The following RDH8 variants were observed in gnomAD, a reference collection of about 807,000 sequenced individuals.
The protein encoded by RDH8 is retinol dehydrogenase 8.
A neutral mutation model predicts 22.3 loss-of-function variants in RDH8; 14 were observed. The observed-to-expected ratio is 0.63, with a 90% CI of 0.42 to 0.98. The LOEUF is 0.98. Among genes scored for constraint, RDH8 ranks in the 50% least tolerant of loss-of-function variants. The pLI, the probability that RDH8 is intolerant of heterozygous loss-of-function variation, is 0.00. For missense variants in RDH8, 389 were observed against 409.8 expected, an observed-to-expected ratio of 0.95 and a Z score of 0.44; for synonymous variants, 175 against 171.7, an observed-to-expected ratio of 1.02 and a Z score of -0.15.
intron 1 of RDH8, among the ~76,000 whole-genome samples, chr19:10,016,698 C>T (rs770960051): frequency 5.3e-5 from 8 of 151,372 alleles, no homozygotes; most frequent in Admixed American, 1.3e-4. Context: ...TCTCAAACTC[C>T]TGGGGTCAAG....
intron 3 of RDH8, among the ~76,000 whole-genome samples, chr19:10,019,864 G>C (rs570358174): frequency 1.3e-5 from 2 of 152,098 alleles, no homozygotes; most frequent in South Asian, 4.2e-4. Context: ...ACTTTGGCCA[G>C]ATGTGGTGGT....
chr19:10,015,392 G>T lies in RDH8; in HGVS notation c.104-1665G>T, dbSNP rs369801204. ...GGCGTGAACCTGTGGGGTGGAGCTT[G>T]CAGTGAGTCGAGATCATGCCACTGC... On this transcript the variant is annotated intron_variant, in intron 1 of 5. Coordinates refer to ENST00000591589, the MANE Select transcript of RDH8 (RefSeq NM_015725.4). Among the ~76,000 whole-genome samples, 6 of 152,174 alleles carry T rather than the reference G, an allele frequency of 3.9e-5. No homozygotes were observed. The East Asian group carries it at 1.2e-3, about 29-fold the overall frequency.
chr19:10,016,908 C>A, intron 1 of RDH8, 149 bp from the exon 2 acceptor site: 1 of 772,132 alleles, frequency 1.3e-6, no homozygotes. Context: ...CACAAGTGTG[C>A]ACTTGTTGGC....
chr19:10,014,085 T>C (rs1016463575), intron 1 of RDH8, among the ~76,000 whole-genome samples: 6 of 152,172 alleles, frequency 3.9e-5, no homozygotes, highest in African/African-American at 1.4e-4. Context: ...GCTCCTGACC[T>C]TGGGGGTTGA....
At chr19:10,016,697 C>T (rs985492937) in intron 1 of RDH8, among the ~76,000 whole-genome samples, 2 of 151,846 alleles carry the variant, frequency 1.3e-5, no homozygotes, top group African/African-American at 4.8e-5. Flanking sequence ...GTCTCAAACT[C>T]CTGGGGTCAA....
At chr19:10,015,588 A>G (rs1489142045) in intron 1 of RDH8, among the ~76,000 whole-genome samples, 2 of 150,212 alleles carry the variant, frequency 1.3e-5, no homozygotes, top group African/African-American at 4.9e-5. Context: ...AGATTTCACC[A>G]CTGTATTCCA....
intron 2 of RDH8, among the ~76,000 whole-genome samples, chr19:10,017,935 C>T (rs2087631804): frequency 6.6e-6 from 1 of 151,854 alleles, no homozygotes; most frequent in South Asian, 2.1e-4. Flanking sequence ...CATGCACCAC[C>T]ACACCTGGCC....
chr19:10,018,328 T>C (rs752804266), intron 2 of RDH8, among the ~76,000 whole-genome samples: 17 of 152,210 alleles, frequency 1.1e-4, no homozygotes, highest in Non-Finnish European at 2.4e-4. Flanking sequence ...TTTTATGGAA[T>C]AGAAATTCTC....
chr19:10,017,163 T>C lies in RDH8; in HGVS notation c.210T>C (p.Asp70=). The C allele has an allele frequency of 6.2e-7, 1 of 1,611,088 alleles. No homozygotes were observed. The highest frequency in any genetic ancestry group is 8.5e-7 in the Non-Finnish European group (1 of 1,178,076). ...TGGCCCAGCTGGACGTGTGCAGTGA[T>C]GAGTCGGTGGCCCAGTGTCTCAGCT... The part of the protein sequence containing the change: ...LTVAQLDVCS[D]ESVAQCLSCI... Residue 70 remains aspartate (D), a synonymous_variant, in exon 2 of 6, where the codon GAT becomes GAC. Coordinates refer to ENST00000591589, the MANE Select transcript of RDH8 (RefSeq NM_015725.4).
At position 10,021,345 on chromosome 19, in the gene RDH8, C is replaced by T. The variant is rs2087657325; in HGVS notation, c.627C>T (p.Asp209=). The change falls in exon 5 of 6, where the codon GAC becomes GAT. Residue 209 remains aspartate, a synonymous_variant. Transcript: ENST00000591589. ...QVSMAEFPGT[D]PETLHYFRDL... ...CTATGGCTGAGTTCCCAGGCACTGA[C>T]CCTGAGACCCTGCACTACTTCCGGG... 6.2e-7 allele frequency: 1 copy of T among 1,613,868 alleles called. No homozygotes were observed. Among genetic ancestry groups the T allele is most frequent in the African/African-American group, 1.3e-5 (1 of 74,842 alleles).
chr19:10,014,573 C>T (rs1384164927), intron 1 of RDH8, among the ~76,000 whole-genome samples: 1 of 152,140 alleles, frequency 6.6e-6, no homozygotes, highest in African/African-American at 2.4e-5. Context: ...CAGAGTCTTG[C>T]TCTGTCACCC....
chr19:10,017,846 G>A lies in RDH8; in HGVS notation c.262+631G>A, dbSNP rs377214695. On this transcript the variant is annotated intron_variant, in intron 2 of 5. Transcript: ENST00000591589. ...TTTTTCTTAGAGACGAGGTTTCACC[G>A]TGTTGGTCAGGCTGGTCTCAAACTC... is the stretch of plus-strand genomic sequence containing the variant. Among the ~76,000 whole-genome samples the A allele has an allele frequency of 1.3e-4, 19 of 151,690 alleles. 1 individual carries two copies. Among genetic ancestry groups the A allele is most frequent in the South Asian group, 4.2e-4 (2 of 4,798 alleles).
chr19:10,013,878 G>T (rs2145163012), intron 1 of RDH8, among the ~76,000 whole-genome samples: 1 of 152,054 alleles, frequency 6.6e-6, no homozygotes, highest in Non-Finnish European at 1.5e-5. Context: ...CAGATAAAAA[G>T]AAATTGTTGC....
At chr19:10,017,026 G>A (rs772980600) in intron 1 of RDH8, 31 bp from the exon 2 acceptor site, 5 of 1,504,938 alleles carry the variant, frequency 3.3e-6, no homozygotes, top group Non-Finnish European at 2.7e-6. Flanking sequence ...GGAGCTCAGT[G>A]CCTGTCCCTG....
rs373919082 is a variant in RDH8, at chr19:10,020,809, C to T, written c.536+7C>T. On this transcript the variant is annotated splice_region_variant and intron_variant, in intron 4 of 5. Transcript: ENST00000591589. ...TGCTGCAGTTCAACATCTTGTGAGGCGGGCACGTGGGCAGAGGGGGCTTGG... is the reference window on the plus strand; with the variant it reads ...TGCTGCAGTTCAACATCTTGTGAGGTGGGCACGTGGGCAGAGGGGGCTTGG... The T allele has an allele frequency of 2.4e-5, 39 of 1,600,332 alleles. No homozygotes were observed. Among genetic ancestry groups the T allele is most frequent in the Non-Finnish European group, 3.2e-5 (38 of 1,170,780 alleles).
At position 10,017,162 on chromosome 19, in the gene RDH8, A is replaced by G. The variant is rs755069859; in HGVS notation, c.209A>G (p.Asp70Gly). Residue 70 changes from aspartate (D) to glycine (G), a missense_variant, in exon 2 of 6, where the codon GAT becomes GGT. Physicochemically the swap from Asp to Gly is moderately conservative, Grantham distance 94 (BLOSUM62 -1). Transcript: ENST00000591589. ...LTVAQLDVCS[D>G]ESVAQCLSCI... The stretch of plus-strand genomic sequence containing the variant: ...GTGGCCCAGCTGGACGTGTGCAGTG[A>G]TGAGTCGGTGGCCCAGTGTCTCAGC... 5 of 1,611,234 alleles carry G rather than the reference A, an allele frequency of 3.1e-6. No individual in the cohort carries two copies. The highest frequency in any genetic ancestry group is 1.7e-5 in the Admixed American group (1 of 59,830).
chr19:10,013,648 TCCCCAGCACTGTCTC>T, intron 1 of RDH8, 48 bp downstream of exon 1: 2 of 1,597,328 alleles, frequency 1.3e-6, no homozygotes, highest in Non-Finnish European at 1.7e-6. Flanking sequence ...GGAAACGGCT[TCCCCAGCACTGTCTC>T]CCCTACCCAT....
chr19:10,015,168 G>C (rs2087601182), intron 1 of RDH8, among the ~76,000 whole-genome samples: 1 of 152,140 alleles, frequency 6.6e-6, no homozygotes, highest in Admixed American at 6.6e-5. Flanking sequence ...ACATAAGCTT[G>C]AGGCTGGGCA....
Position 10,013,557 on chromosome 19 carries a change from A to G in RDH8, c.60A>G (p.Glu20=), listed in dbSNP as rs2087585664. 5.6e-6 allele frequency: 9 copies of G among 1,613,852 alleles called. No homozygotes were observed. The highest frequency in any genetic ancestry group is 1.6e-4 in the Middle Eastern group (1 of 6,084). ...ISGCSSGIGL[E]LAVQLAHDPK... ...GCTGCTCATCAGGAATTGGTCTGGA[A>G]CTTGCAGTGCAACTGGCCCATGACC... Residue 20 remains glutamate, a synonymous_variant, in exon 1 of 6, where the codon GAA becomes GAG. Transcript: ENST00000591589.
Sources: allele counts gnomAD v4.1 joint callset (sites outside exome capture counted in the v4.1 genomes callset), GRCh38; gene constraint gnomAD v4.1.1; transcripts MANE v1.5; gene names NCBI Gene and HGNC (gene_info 2026-07-23, HGNC 2026-07-21).